The following CACNA1G variants were observed in gnomAD, a reference collection of about 807,000 sequenced individuals.
CACNA1G encodes the protein calcium voltage-gated channel subunit alpha1 G.
Under a neutral mutation model 219.4 loss-of-function variants are expected in CACNA1G, and 67 were observed. The ratio of observed to expected loss-of-function variants is 0.31; its 90% CI spans 0.25 to 0.37. The LOEUF (loss-of-function observed/expected upper bound fraction) is 0.37, where lower values mean the gene tolerates loss of function less well. Ranked by LOEUF, CACNA1G falls within the 10% of genes least tolerant of loss-of-function variation. The pLI is 1.00. For missense variants in CACNA1G, 2,380 were observed against 3,231.4 expected, an observed-to-expected ratio of 0.74 and a Z score of 6.39; for synonymous variants, 1,296 against 1,345.3, an observed-to-expected ratio of 0.96 and a Z score of 0.80.
chr17:50,626,659 C>T lies in CACNA1G; in HGVS notation c.7042C>T (p.Pro2348Ser). Reference sequence around the variant, plus strand: ...CTCCAAGGATCCCTTGGCCTCTGGCCCCCCTGACAGCATGGCTGCCTCGCC... The same window carrying T: ...CTCCAAGGATCCCTTGGCCTCTGGCTCCCCTGACAGCATGGCTGCCTCGCC... ...SDSKDPLASG[P>S]PDSMAASPSP... The change falls in exon 38 of 38, where the codon CCC (proline) becomes TCC (serine). Residue 2348 changes from proline (P) to serine (S), a missense_variant. This residue lies in a region of CACNA1G where 672 missense variants were observed against 670.5 expected (regional missense o/e 1.00). Coordinates refer to ENST00000359106, the MANE Select transcript of CACNA1G (RefSeq NM_018896.5). The surrounding 1 kb of genome is among the most constrained non-coding windows in gnomAD (Gnocchi z 4.3). 1.9e-6 allele frequency: 3 copies of T among 1,613,274 alleles called. No individual in the cohort carries two copies. The highest frequency in any genetic ancestry group is 1.7e-6 in the Non-Finnish European group (2 of 1,179,824).
At chr17:50,566,908 T>G (rs780340656) in intron 1 of CACNA1G, among the ~76,000 whole-genome samples, 3 of 152,246 alleles carry the variant, frequency 2.0e-5, no homozygotes, top group Non-Finnish European at 2.9e-5. Flanking sequence ...TCCAAGCAGA[T>G]GTCCTGGGAG....
At chr17:50,575,211 G>C (rs1037462006) in intron 7 of CACNA1G, among the ~76,000 whole-genome samples, 3 of 152,124 alleles carry the variant, frequency 2.0e-5, no homozygotes, top group African/African-American at 7.2e-5. Flanking sequence ...CGTGTTTAGG[G>C]ACAGGGAATT....
At chr17:50,599,367 A>C in intron 16 of CACNA1G, 61 bp from the exon 17 acceptor site, 1 of 1,405,694 alleles carries the variant, frequency 7.1e-7, no homozygotes, top group South Asian at 1.4e-5. Context: ...GACCGGGTGC[A>C]CATGAGAGGA....
Position 50,617,510 on chromosome 17 carries a change from C to A in CACNA1G, c.5094C>A (p.Asn1698Lys), listed in dbSNP as rs369755516. 2 of 1,614,032 alleles carry A rather than the reference C, an allele frequency of 1.2e-6. No individual in the cohort carries two copies. The highest frequency in any genetic ancestry group is 3.3e-5 in the Admixed American group (2 of 60,020). The stretch of plus-strand genomic sequence containing the variant: ...TCACGCTGGAGGAAATCGAGGTCAA[C>A]GCCTCGCTGCCCATCAACCCCACCA... ...MGITLEEIEV[N>K]ASLPINPTII... Residue 1698 changes from asparagine (N) to lysine (K), a missense_variant, in exon 29 of 38, where the codon AAC becomes AAA. Physicochemically the swap from Asn to Lys is moderately conservative, Grantham distance 94 (BLOSUM62 0). This residue lies in a region of CACNA1G where 123 missense variants were observed against 258.4 expected (regional missense o/e 0.48). Transcript: ENST00000359106. The surrounding 1 kb of genome is among the most constrained non-coding windows in gnomAD (Gnocchi z 5.8).
At chr17:50,567,954 G>A (rs2038370264) in intron 1 of CACNA1G, among the ~76,000 whole-genome samples, 1 of 152,130 alleles carries the variant, frequency 6.6e-6, no homozygotes, top group African/African-American at 2.4e-5. Flanking sequence ...TGGCGGCAAT[G>A]GCCTCTTGGG....
chr17:50,623,794 C>CG, intron 35 of CACNA1G, 113 bp from the exon 36 acceptor site: 2 of 1,130,104 alleles, frequency 1.8e-6, no homozygotes, highest in Non-Finnish European at 2.5e-6. Context: ...TGGGAGGGCA[C>CG]GGGGGTGAGG....
chr17:50,609,207 G>A (rs1188971952), intron 25 of CACNA1G, among the ~76,000 whole-genome samples: 1 of 152,142 alleles, frequency 6.6e-6, no homozygotes, highest in Non-Finnish European at 1.5e-5. Flanking sequence ...TGAGGCGGGG[G>A]GAGAGTGTGG....
At chr17:50,616,218 G>T in intron 27 of CACNA1G, 57 bp from the exon 28 acceptor site, 4 of 1,060,414 alleles carry the variant, frequency 3.8e-6, no homozygotes, top group Admixed American at 1.8e-5. Context: ...GGGGCGGGGG[G>T]ACAAGCCCCA....
chr17:50,589,692 G>C (rs2043777513), intron 9 of CACNA1G, among the ~76,000 whole-genome samples: 1 of 152,102 alleles, frequency 6.6e-6, no homozygotes, highest in African/African-American at 2.4e-5. Context: ...AATTACCTCT[G>C]GTGTTTCACA....
At chr17:50,613,000 T>A (rs2049568913) in intron 26 of CACNA1G, among the ~76,000 whole-genome samples, 1 of 152,166 alleles carries the variant, frequency 6.6e-6, no homozygotes, top group East Asian at 1.9e-4. Flanking sequence ...AGAGCCGAGG[T>A]CCAGAGAGCA....
Position 50,602,836 on chromosome 17 carries a change from C to A in CACNA1G, c.3932C>A (p.Thr1311Asn). The A allele has an allele frequency of 6.2e-7, 1 of 1,613,880 alleles. No individual in the cohort carries two copies. The highest frequency in any genetic ancestry group is 1.7e-5 in the Admixed American group (1 of 60,010). Residue 1311 changes from threonine (T) to asparagine (N), a missense_variant, in exon 20 of 38, where the codon ACC (threonine) becomes AAC (asparagine). Thr to Asn is a moderately conservative substitution (Grantham distance 65). Around this residue, in one of 17 missense-constraint regions of CACNA1G, gnomAD observed 153 missense variants for 374.9 expected, o/e 0.41. Coordinates refer to ENST00000359106, the MANE Select transcript of CACNA1G (RefSeq NM_018896.5). ...CTCTTGCAGGAACGCATCTTCCTGA[C>A]CCTCTCCAATTACATCTTCACCGCA... ...DPHSAERIFL[T>N]LSNYIFTAVF...
chr17:50,594,425 C>T (rs1405677736), intron 13 of CACNA1G, among the ~76,000 whole-genome samples: 3 of 152,296 alleles, frequency 2.0e-5, no homozygotes, highest in East Asian at 1.9e-4. Context: ...GACTTGGCTC[C>T]GTGTTGACTC....
chr17:50,613,198 G>A lies in CACNA1G; in HGVS notation c.4760-2163G>A, dbSNP rs116990672. Among the ~76,000 whole-genome samples, 9 of 152,280 alleles carry A rather than the reference G, an allele frequency of 5.9e-5. No individual in the cohort carries two copies. In the East Asian group the frequency reaches 1.5e-3, roughly 26 times the overall value. ...TAGCTAGCTGAATGAGTCACTTTTTGCCTGGCTTCATTCTCTCCCTCTGAA... is the reference window on the plus strand; with the variant it reads ...TAGCTAGCTGAATGAGTCACTTTTTACCTGGCTTCATTCTCTCCCTCTGAA... On this transcript the variant is annotated intron_variant, in intron 26 of 37. Coordinates refer to ENST00000359106, the MANE Select transcript of CACNA1G (RefSeq NM_018896.5).
At position 50,621,935 on chromosome 17, in the gene CACNA1G, G is replaced by A; in HGVS notation, c.6060+141G>A. 1.2e-6 allele frequency: 1 copy of A among 840,382 alleles called. No individual in the cohort carries two copies. The highest frequency in any genetic ancestry group is 1.7e-5 in the South Asian group (1 of 58,132). The allele number at this position is 840,382 out of a possible 1,614,324, so 52.1% of individuals were successfully genotyped here. On this transcript the variant is annotated intron_variant, in intron 35 of 37. Transcript: ENST00000359106. The surrounding 1 kb of genome is among the most constrained non-coding windows in gnomAD (Gnocchi z 4.6). ...CTCCACCCAGAGGCATCAACTGTCA[G>A]GACCTCGGTGGCCCACGCTTTGCTG...
At chr17:50,564,060 G>T (rs904913984) in intron 1 of CACNA1G, among the ~76,000 whole-genome samples, 3 of 151,556 alleles carry the variant, frequency 2.0e-5, no homozygotes, top group Admixed American at 6.6e-5. Flanking sequence ...GGTACATTCT[G>T]CTTCTTGGCC....
In CACNA1G at chr17:50,626,206, T is replaced by C; in HGVS notation, c.6589T>C (p.Cys2197Arg). Residue 2197 changes from cysteine to arginine, a missense_variant, in exon 38 of 38, where the codon TGC becomes CGC. Physicochemically the swap from Cys to Arg is radical, Grantham distance 180. Coordinates refer to ENST00000359106, the MANE Select transcript of CACNA1G (RefSeq NM_018896.5). The surrounding 1 kb of genome is among the most constrained non-coding windows in gnomAD (Gnocchi z 4.3). ...CAAGCACATGACCCCGCCAGCCCCT[T>C]GCCCAGGCCCAGAACCCAACTGGGG... Reference protein sequence around the residue: ...ISKHMTPPAPCPGPEPNWGKG... With the variant: ...ISKHMTPPAPRPGPEPNWGKG... 6.2e-7 allele frequency: 1 copy of C among 1,613,576 alleles called. No individual in the cohort carries two copies. Among genetic ancestry groups the C allele is most frequent in the Non-Finnish European group, 8.5e-7 (1 of 1,179,780 alleles).
At chr17:50,568,580 C>A (rs1388540926) in intron 1 of CACNA1G, among the ~76,000 whole-genome samples, 1 of 152,218 alleles carries the variant, frequency 6.6e-6, no homozygotes, top group Non-Finnish European at 1.5e-5. Flanking sequence ...CAGGCATGAT[C>A]GATTTATTCC....
At chr17:50,597,873 A>T (rs368351362) in intron 16 of CACNA1G, among the ~76,000 whole-genome samples, 31 of 152,184 alleles carry the variant, frequency 2.0e-4, no homozygotes, top group African/African-American at 7.0e-4. Flanking sequence ...TTTGGATTTC[A>T]CATATAAGTG....
rs149347079 is a variant in CACNA1G, at chr17:50,570,670, C to G, written c.586+867C>G. ...GGGTGTGTTGGTGTTAACAGGAGCT[C>G]CAGAAGAGGGGCATGCCTCGCCTCC... On this transcript the variant is annotated intron_variant, in intron 4 of 37. Transcript: ENST00000359106. Among the ~76,000 whole-genome samples, 1,414 of 151,606 alleles carry G rather than the reference C, an allele frequency of 9.3e-3. 22 individuals carry two copies. Among genetic ancestry groups the G allele is most frequent in the African/African-American group, 0.032 (1,318 of 41,252 alleles).
Sources: allele counts gnomAD v4.1 joint callset (sites outside exome capture counted in the v4.1 genomes callset), GRCh38; gene constraint gnomAD v4.1.1; regional missense constraint gnomAD v4.1.1; non-coding constraint Gnocchi (gnomAD v3.1); transcripts MANE v1.5; gene names NCBI Gene and HGNC (gene_info 2026-07-23, HGNC 2026-07-21).